The following ZNF142 variants were observed in gnomAD, a reference collection of about 807,000 sequenced individuals.
The protein encoded by ZNF142 is zinc finger protein 142.
In ZNF142, 96 loss-of-function variants were observed where a neutral mutation model predicts 132.1. The ratio of observed to expected loss-of-function variants is 0.73; its 90% CI spans 0.62 to 0.86. The LOEUF is 0.86. ZNF142 is among the 40% of genes least tolerant of loss of function. ZNF142 has a pLI of 0.00. For synonymous variants in ZNF142, 842 were observed against 890.1 expected (o/e 0.95, Z 0.96); for missense variants, 2,163 against 2,336.2 (o/e 0.93, Z 1.53).
At chr2:218,655,500 T>TG (rs1018370923) in intron 4 of ZNF142, among the ~76,000 whole-genome samples, 3 of 151,982 alleles carry the variant, frequency 2.0e-5, no homozygotes, top group African/African-American at 4.8e-5. Flanking sequence ...TTTAAAGAGA[T>TG]GGGGGTCTCA....
rs1697533309 is a variant in ZNF142, at chr2:218,644,244, GA to G, written c.2871del (p.Leu958TrpfsTer15). The G allele has an allele frequency of 1.2e-6, 2 of 1,613,956 alleles. No homozygotes were observed. Among genetic ancestry groups the G allele is most frequent in the Non-Finnish European group, 1.7e-6 (2 of 1,180,008 alleles). ...TSDLSAEENPLLEKPVSEPST... is the reference protein window; with the variant it reads ...TSDLSAEENPXLEKPVSEPST... ...GAGGGCTCAGACACTGGCTTTTCCA[GA>G]AGGGGATTTTCTTCAGCACTCAAGT... is the stretch of plus-strand genomic sequence containing the variant. On this transcript the variant is annotated frameshift_variant, in exon 9 of 11. Coordinates refer to ENST00000411696, the MANE Select transcript of ZNF142 (RefSeq NM_001379659.1). LOFTEE classifies it high-confidence loss of function. The surrounding 1 kb of genome is among the most constrained non-coding windows in gnomAD (Gnocchi z 4.6).
intron 9 of ZNF142, 39 bp downstream of exon 9, chr2:218,641,989 T>C (rs1291632182): frequency 6.3e-7 from 1 of 1,591,440 alleles, no homozygotes; most frequent in East Asian, 2.2e-5. Context: ...CCAGAGCCTG[T>C]GCTCCTTCCA....
intron 4 of ZNF142, among the ~76,000 whole-genome samples, chr2:218,653,811 C>T (rs1230432614): frequency 6.6e-6 from 1 of 152,092 alleles, no homozygotes; most frequent in Non-Finnish European, 1.5e-5. Flanking sequence ...CGAAATTCTG[C>T]CCTTGCTTCC....
chr2:218,642,985 G>A lies in ZNF142; in HGVS notation c.4131C>T (p.Gly1377=), dbSNP rs528835467. Residue 1377 remains glycine, a synonymous_variant, in exon 9 of 11, where the codon GGC becomes GGT. Coordinates refer to ENST00000411696, the MANE Select transcript of ZNF142 (RefSeq NM_001379659.1). The surrounding 1 kb of genome is among the most constrained non-coding windows in gnomAD (Gnocchi z 4.6). The part of the protein sequence containing the change: ...PRPHLQCGDC[G]FTCKQSRCMQ... ...TGCAACGGCTCTGTTTACAGGTGAAGCCACAGTCCCCACACTGTAGATGGG... is the reference window on the plus strand; with the variant it reads ...TGCAACGGCTCTGTTTACAGGTGAAACCACAGTCCCCACACTGTAGATGGG... 4 of 1,612,844 alleles carry A rather than the reference G, an allele frequency of 2.5e-6. No homozygotes were observed. In the South Asian group the frequency reaches 3.3e-5, roughly 13 times the overall value.
At position 218,643,052 on chromosome 2, in the gene ZNF142, TTC is replaced by T; in HGVS notation, c.4062_4063del (p.Lys1355AlafsTer26). On this transcript the variant is annotated frameshift_variant, in exon 9 of 11. Transcript: ENST00000411696. LOFTEE classifies it high-confidence loss of function. ...TGGGGCTGCAGTGGGGTGCCTCCGC[TTC>T]TGGTGGAGCCTTAAGGCAGTGGCAG... 6.3e-7 allele frequency: 1 copy of T among 1,599,830 alleles called. No homozygotes were observed. The highest frequency in any genetic ancestry group is 8.5e-7 in the Non-Finnish European group (1 of 1,172,456).
intron 7 of ZNF142, 51 bp from the exon 8 acceptor site, chr2:218,646,399 C>G: frequency 1.3e-6 from 2 of 1,590,620 alleles, no homozygotes; most frequent in Non-Finnish European, 1.7e-6. Flanking sequence ...AGATACAGAT[C>G]AAGTGGACAG....
rs752696755 is a variant in ZNF142, at chr2:218,634,056, G to C, written c.*4283C>G. The C allele has an allele frequency of 6.4e-7, 1 of 1,560,810 alleles. No individual in the cohort carries two copies. The highest frequency in any genetic ancestry group is 1.2e-5 in the South Asian group (1 of 84,600). Reference sequence around the variant, plus strand: ...AGGCATGGTCCTTGGGACTAGGGAAGTGGGAGATTCCACCCCACTTCCATC... The same window carrying C: ...AGGCATGGTCCTTGGGACTAGGGAACTGGGAGATTCCACCCCACTTCCATC... On this transcript the variant is annotated 3_prime_UTR_variant, in exon 11 of 11. Coordinates refer to ENST00000411696, the MANE Select transcript of ZNF142 (RefSeq NM_001379659.1). The surrounding 1 kb of genome is among the most constrained non-coding windows in gnomAD (Gnocchi z 4.0).
chr2:218,635,886 C>A lies in ZNF142; in HGVS notation c.*2453G>T. 2 of 1,613,920 alleles carry A rather than the reference C, an allele frequency of 1.2e-6. No homozygotes were observed. Among genetic ancestry groups the A allele is most frequent in the Non-Finnish European group, 1.7e-6 (2 of 1,179,892 alleles). ...GGTGAAAGTGCAGATCTTTGGCGTT[C>A]GTCTAGACACAGCACGGCAGGAGAC... On this transcript the variant is annotated 3_prime_UTR_variant, in exon 11 of 11. Transcript: ENST00000411696.
chr2:218,648,633 AC>A lies in ZNF142; in HGVS notation c.1873+1del. 6.2e-7 allele frequency: 1 copy of A among 1,611,470 alleles called. No individual in the cohort carries two copies. The highest frequency in any genetic ancestry group is 8.5e-7 in the Non-Finnish European group (1 of 1,177,684). On this transcript the variant is annotated splice_donor_variant, in intron 7 of 10. Coordinates refer to ENST00000411696, the MANE Select transcript of ZNF142 (RefSeq NM_001379659.1). LOFTEE classifies it high-confidence loss of function. Reference sequence around the variant, plus strand: ...TTATTTTAAGGATGGAAACCATCCTACCCGTATGTAGAAGCATGTGTCGGAT... The same window carrying A: ...TTATTTTAAGGATGGAAACCATCCTACCGTATGTAGAAGCATGTGTCGGAT...
At position 218,650,386 on chromosome 2, in the gene ZNF142, T is replaced by G. The variant is rs61733648; in HGVS notation, c.1021A>C (p.Lys341Gln). The G allele has an allele frequency of 2.3e-3, 3,654 of 1,614,212 alleles. 83 individuals carry two copies. In the African/African-American group the frequency reaches 0.043, roughly 19 times the overall value. The change falls in exon 6 of 11, where the codon AAA becomes CAA. Residue 341 changes from lysine (K) to glutamine (Q), a missense_variant. Physicochemically the swap from Lys to Gln is moderately conservative, Grantham distance 53. Transcript: ENST00000411696. ...TCCAGCCGCTGAGCCCCTTGGCCTTTATCCACAGCCTTTTGGGAGTCCTTC... is the reference window on the plus strand; with the variant it reads ...TCCAGCCGCTGAGCCCCTTGGCCTTGATCCACAGCCTTTTGGGAGTCCTTC... Reference protein sequence around the residue: ...TQKDSQKAVDKGQGAQRLEGD... With the variant: ...TQKDSQKAVDQGQGAQRLEGD...
In ZNF142 at chr2:218,649,440, G is replaced by A. The variant is rs370258870; in HGVS notation, c.1068C>T (p.Thr356=). 39 of 1,599,908 alleles carry A rather than the reference G, an allele frequency of 2.4e-5. No homozygotes were observed. In the African/African-American group the frequency reaches 3.4e-4, roughly 14 times the overall value. The part of the protein sequence containing the change: ...QRLEGDVVSG[T]ESLFKTHMCP... The stretch of plus-strand genomic sequence containing the variant: ...ACATATGGGTCTTGAAGAGGGACTC[G>A]GTGCCAGAGACCACATCCCCTGGGA... The change falls in exon 7 of 11, where the codon ACC becomes ACT. Residue 356 remains threonine, a synonymous_variant. Transcript: ENST00000411696.
chr2:218,647,371 C>T (rs374908916), intron 7 of ZNF142, among the ~76,000 whole-genome samples: 32 of 126,294 alleles, frequency 2.5e-4, no homozygotes, highest in South Asian at 1.9e-3. Context: ...TGCAGTGAGC[C>T]GAGATTGGGC....
At chr2:218,650,548 T>A in intron 5 of ZNF142, 22 bp from the exon 6 acceptor site, 1 of 1,544,316 alleles carries the variant, frequency 6.5e-7, no homozygotes, top group Non-Finnish European at 8.7e-7. Flanking sequence ...TAAAACTTGA[T>A]AAAGTCTACA....
intron 4 of ZNF142, among the ~76,000 whole-genome samples, chr2:218,654,634 G>A (rs1938317059): frequency 6.6e-6 from 1 of 151,986 alleles, no homozygotes; most frequent in African/African-American, 2.4e-5. Flanking sequence ...CAAAGTGCTA[G>A]GATTATAGGC....
At chr2:218,652,437 C>A in intron 4 of ZNF142, 137 bp from the exon 5 acceptor site, 1 of 390,964 alleles carries the variant, frequency 2.6e-6, no homozygotes, top group South Asian at 1.9e-5. Flanking sequence ...TGGTCCTACA[C>A]CTGGACTGTA....
In ZNF142 at chr2:218,635,532, T is replaced by C. The variant is rs1696677370; in HGVS notation, c.*2807A>G. On this transcript the variant is annotated 3_prime_UTR_variant, in exon 11 of 11. Coordinates refer to ENST00000411696, the MANE Select transcript of ZNF142 (RefSeq NM_001379659.1). ...TTTTGTATTTTTAGTAGAGATAGGGTTTCACCATGTTGGCCAGGCTGGTCT... is the reference window on the plus strand; with the variant it reads ...TTTTGTATTTTTAGTAGAGATAGGGCTTCACCATGTTGGCCAGGCTGGTCT... 6.6e-6 allele frequency among the ~76,000 whole-genome samples: 1 copy of C among 152,008 alleles called. No individual in the cohort carries two copies.
Position 218,634,766 on chromosome 2 carries a change from C to A in ZNF142, c.*3573G>T. On this transcript the variant is annotated 3_prime_UTR_variant, in exon 11 of 11. Transcript: ENST00000411696. The surrounding 1 kb of genome is among the most constrained non-coding windows in gnomAD (Gnocchi z 4.0). ...GTCTAGTTTTAGCTTTTGGAGCCAG[C>A]TGCCTAGCTTCAAACCACAACTTCC... 1 of 1,076,088 alleles carries A rather than the reference C, an allele frequency of 9.3e-7. No individual in the cohort carries two copies. The highest frequency in any genetic ancestry group is 1.3e-6 in the Non-Finnish European group (1 of 744,956). The allele number at this position is 1,076,088 out of a possible 1,614,324, so 66.7% of individuals were successfully genotyped here.
At chr2:218,638,926 C>T in intron 10 of ZNF142, 118 bp from the exon 11 acceptor site, 1 of 780,540 alleles carries the variant, frequency 1.3e-6, no homozygotes, top group Non-Finnish European at 2.0e-6. Context: ...TAATGACCAT[C>T]TCTTTGGAAT....
rs1183700478 is a variant in ZNF142 at position 218,643,617 on chromosome 2, C to T, written c.3499G>A (p.Ala1167Thr). Residue 1167 changes from alanine to threonine, a missense_variant, in exon 9 of 11, where the codon GCA becomes ACA. This residue lies in a region of ZNF142 where 809 missense variants were observed against 801.7 expected (regional missense o/e 1.01). Coordinates refer to ENST00000411696, the MANE Select transcript of ZNF142 (RefSeq NM_001379659.1). Reference sequence around the variant, plus strand: ...GCCTCTGTGGGCAAGGAGTTTCCTGCAGGAGGGACTGGGGAACCAGAGACT... The same window carrying T: ...GCCTCTGTGGGCAAGGAGTTTCCTGTAGGAGGGACTGGGGAACCAGAGACT... ...ATVSGSPVPP[A>T]GNSLPTEAPK... 2 of 1,558,672 alleles carry T rather than the reference C, an allele frequency of 1.3e-6. No individual in the cohort carries two copies. Among genetic ancestry groups the T allele is most frequent in the Non-Finnish European group, 1.7e-6 (2 of 1,154,126 alleles).
Sources: gnomAD v4.1 joint callset for allele counts (sites outside exome capture counted in the v4.1 genomes callset) on GRCh38, gnomAD v4.1.1 for gene constraint, gnomAD v4.1.1 regional missense constraint, Gnocchi (gnomAD v3.1) non-coding constraint, MANE v1.5 for transcripts, NCBI Gene and HGNC (gene_info 2026-07-23, HGNC 2026-07-21) for gene names.